Variants in RTL1 observed in about 807,000 individuals in gnomAD.
The protein encoded by RTL1 is retrotransposon-like protein 1.
For synonymous variants in RTL1, 727 were observed against 748.4 expected (o/e 0.97, Z 0.47); for missense variants, 1,681 against 1,767.5 (o/e 0.95, Z 0.88).
At chr14:100,903,219 C>G (rs140929024) in intron 2 of RTL1, among the ~76,000 whole-genome samples, 72 bp downstream of exon 2, 1 of 152,236 alleles carries the variant, frequency 6.6e-6, no homozygotes, top group Admixed American at 6.5e-5. Context: ...CAGCGGGGTC[C>G]GGGCATCCCA....
intron 2 of RTL1, among the ~76,000 whole-genome samples, chr14:100,901,290 C>A (rs1341722182): frequency 4.6e-5 from 7 of 152,256 alleles, no homozygotes; most frequent in Admixed American, 3.3e-4. Flanking sequence ...CATATGCACA[C>A]ACGCACACGC....
Position 100,881,528 on chromosome 14 carries a change from C to A in RTL1, c.3261G>T (p.Lys1087Asn). Residue 1087 changes from lysine (K) to asparagine (N), a missense_variant, in exon 4 of 4, where the codon AAG becomes AAT. Physicochemically the swap from Lys to Asn is moderately conservative, Grantham distance 94. Coordinates refer to ENST00000649591, the MANE Select transcript of RTL1 (RefSeq NM_001134888.3). The surrounding 1 kb of genome is among the most constrained non-coding windows in gnomAD (Gnocchi z 6.6). ...GGATGGCTGCCAGGGCTAGGGTGTT[C>A]TTCCAGTACAGGAGGCCTCGGAAGA... Reference protein sequence around the residue: ...LHFFRGLLYWKNTLALAAILV... With the variant: ...LHFFRGLLYWNNTLALAAILV... 1 of 1,551,742 alleles carries A rather than the reference C, an allele frequency of 6.4e-7. No homozygotes were observed. Among genetic ancestry groups the A allele is most frequent in the Non-Finnish European group, 8.7e-7 (1 of 1,147,014 alleles).
At position 100,884,459 on chromosome 14, in the gene RTL1, C is replaced by T; in HGVS notation, c.330G>A (p.Arg110=). Residue 110 remains arginine (R), a synonymous_variant, in exon 4 of 4, where the codon AGG becomes AGA. Transcript: ENST00000649591. The part of the protein sequence containing the change: ...EESCNGSHQA[R]GDPLSGASDR... The stretch of plus-strand genomic sequence containing the variant: ...CAGATGCTCCACTGAGTGGATCCCC[C>T]CTTGCCTGGTGTGAACCGTTGCATG... The T allele has an allele frequency of 7.4e-6, 12 of 1,614,152 alleles. No homozygotes were observed. The highest frequency in any genetic ancestry group is 8.5e-6 in the Non-Finnish European group (10 of 1,180,020).
At chr14:100,895,349 A>C (rs2038841126) in intron 2 of RTL1, among the ~76,000 whole-genome samples, 1 of 152,122 alleles carries the variant, frequency 6.6e-6, no homozygotes, top group Non-Finnish European at 1.5e-5. Flanking sequence ...GAGATGGATG[A>C]CTGTGGACAT....
Position 100,883,695 on chromosome 14 carries a change from C to T in RTL1, c.1094G>A (p.Arg365Lys), listed in dbSNP as rs188763368. The change falls in exon 4 of 4, where the codon AGA becomes AAA. Residue 365 changes from arginine to lysine, a missense_variant. Arg to Lys is a conservative substitution (Grantham distance 26, BLOSUM62 2). Coordinates refer to ENST00000649591, the MANE Select transcript of RTL1 (RefSeq NM_001134888.3). This position sits in a 1 kb window ranked among gnomAD's most constrained non-coding sequence, Gnocchi z 5.9. ...CTCGGGGGGCAGCCTGAGCATAGCT[C>T]TTCTCTCTGCCAGCTTCTCTTCTAT... The part of the protein sequence containing the change: ...LQIEEKLAER[R>K]AMLRLPPEAR... 4.5e-6 allele frequency: 7 copies of T among 1,551,646 alleles called. No homozygotes were observed. The highest frequency in any genetic ancestry group is 1.4e-5 in the African/African-American group (1 of 73,170).
rs1014838191 is a variant in RTL1 at position 100,881,518 on chromosome 14, C to G, written c.3271G>C (p.Ala1091Pro). ...RGLLYWKNTL[A>P]LAAILVLLRV... ...AGTAGCACGAGGATGGCTGCCAGGG[C>G]TAGGGTGTTCTTCCAGTACAGGAGG... The change falls in exon 4 of 4, where the codon GCC becomes CCC. Residue 1091 changes from alanine (A) to proline (P), a missense_variant. Coordinates refer to ENST00000649591, the MANE Select transcript of RTL1 (RefSeq NM_001134888.3). This position sits in a 1 kb window ranked among gnomAD's most constrained non-coding sequence, Gnocchi z 6.6. 3 of 1,551,548 alleles carry G rather than the reference C, an allele frequency of 1.9e-6. No homozygotes were observed. The African/African-American group carries it at 4.1e-5, about 21-fold the overall frequency.
chr14:100,902,319 G>A (rs2140063279), intron 2 of RTL1, among the ~76,000 whole-genome samples: 1 of 152,296 alleles, frequency 6.6e-6, no homozygotes, highest in Middle Eastern at 3.4e-3. Flanking sequence ...CCCACCAATG[G>A]TGGGAACAGG....
intron 3 of RTL1, among the ~76,000 whole-genome samples, chr14:100,889,007 G>A (rs1042035245): frequency 6.6e-6 from 1 of 152,094 alleles, no homozygotes; most frequent in Non-Finnish European, 1.5e-5. Context: ...GAATCCCAAA[G>A]CCGTTACCCG....
intron 3 of RTL1, among the ~76,000 whole-genome samples, chr14:100,891,492 C>A (rs975725389): frequency 6.6e-6 from 1 of 152,202 alleles, no homozygotes; most frequent in African/African-American, 2.4e-5. Flanking sequence ...ACCCCCAGCC[C>A]CTCACCTTGC....
intron 3 of RTL1, among the ~76,000 whole-genome samples, chr14:100,885,814 A>G (rs1166229812): frequency 6.6e-6 from 1 of 151,946 alleles, no homozygotes; most frequent in Non-Finnish European, 1.5e-5. Flanking sequence ...CGCCTCTCCA[A>G]TCTTATCCTC....
intron 2 of RTL1, among the ~76,000 whole-genome samples, chr14:100,897,164 C>T (rs76136689): frequency 0.01 from 1,570 of 152,226 alleles, 33 homozygotes; most frequent in African/African-American, 0.035. Flanking sequence ...AAAACATATT[C>T]GCGATAAAAT....
chr14:100,894,183 G>A (rs1055849996), intron 2 of RTL1, among the ~76,000 whole-genome samples: 7 of 151,652 alleles, frequency 4.6e-5, no homozygotes, highest in Non-Finnish European at 7.4e-5. Flanking sequence ...GGTGGCGTGC[G>A]CCTGTAATCC....
chr14:100,902,690 C>T (rs1260120919), intron 2 of RTL1, among the ~76,000 whole-genome samples: 2 of 152,236 alleles, frequency 1.3e-5, no homozygotes, highest in African/African-American at 4.8e-5. Flanking sequence ...GCTTGACTCC[C>T]TGCTCTCTAG....
chr14:100,898,885 T>A (rs1202634739), intron 2 of RTL1: 1 of 152,244 alleles, frequency 6.6e-6, no homozygotes, highest in Non-Finnish European at 1.5e-5. Context: ...TTAAAGGGAA[T>A]GTTTTGCATT....
At chr14:100,897,837 G>A (rs943604729) in intron 2 of RTL1, 4 of 305,984 alleles carry the variant, frequency 1.3e-5, no homozygotes, top group South Asian at 6.0e-5. Context: ...TTTGGGTTTG[G>A]GGAGTGGGCT....
At chr14:100,897,771 TGGGGGGCGGG>T (rs2038886203) in intron 2 of RTL1, 1 of 23,144 alleles carries the variant, frequency 4.3e-5, no homozygotes, top group Non-Finnish European at 8.3e-5. Context: ...GGTGGGGGGG[TGGGGGGCGGG>T]GGGGGGCAGT....
At position 100,899,399 on chromosome 14, in the gene RTL1, C is replaced by T. The variant is rs149868402; in HGVS notation, c.-149+3892G>A. Among the ~76,000 whole-genome samples, 370 of 152,224 alleles carry T rather than the reference C, an allele frequency of 2.4e-3. 1 individual carries two copies. The highest frequency in any genetic ancestry group is 8.5e-3 in the African/African-American group (353 of 41,540). ...TGATGACTGGAGTAACGATGAGGGG[C>T]TCTGGGGAAGGACAGGGCTGAGAGC... On this transcript the variant is annotated intron_variant, in intron 2 of 3. Coordinates refer to ENST00000649591, the MANE Select transcript of RTL1 (RefSeq NM_001134888.3).
intron 3 of RTL1, chr14:100,889,806 C>G (rs2038744419): frequency 6.6e-6 from 1 of 152,182 alleles, no homozygotes; most frequent in African/African-American, 2.4e-5. Context: ...TCCACACCTG[C>G]TGAGCATCTG....
intron 3 of RTL1, among the ~76,000 whole-genome samples, chr14:100,892,958 G>A (rs1023150394): frequency 9.2e-5 from 14 of 152,118 alleles, no homozygotes; most frequent in African/African-American, 2.9e-4. Flanking sequence ...CAAGGCCCCC[G>A]AGAGACAGAG....
Sources: gnomAD v4.1 joint callset for allele counts (sites outside exome capture counted in the v4.1 genomes callset) on GRCh38, gnomAD v4.1.1 for gene constraint, Gnocchi (gnomAD v3.1) non-coding constraint, MANE v1.5 for transcripts, NCBI Gene and HGNC (gene_info 2026-07-23, HGNC 2026-07-21) for gene names.